The following MAML2 variants were observed in gnomAD, a reference collection of about 807,000 sequenced individuals.
MAML2 encodes the protein mastermind like transcriptional coactivator 2, also known as mastermind-like protein 2.
Under a neutral mutation model 96.1 loss-of-function variants are expected in MAML2, and 22 were observed. The observed-to-expected ratio is 0.23, with a 90% CI of 0.16 to 0.33. The LOEUF (loss-of-function observed/expected upper bound fraction) is 0.33. MAML2 is among the 10% of genes least tolerant of loss of function. The pLI is 1.00. For synonymous variants in MAML2, 561 were observed against 521.3 expected, an observed-to-expected ratio of 1.08 and a Z score of -1.04; for missense variants, 1,367 against 1,392.4, an observed-to-expected ratio of 0.98 and a Z score of 0.29.
At chr11:96,117,186 A>C (rs1860258556) in intron 1 of MAML2, among the ~76,000 whole-genome samples, 1 of 152,230 alleles carries the variant, frequency 6.6e-6, no homozygotes, top group African/African-American at 2.4e-5. Flanking sequence ...GAAGTCAATA[A>C]GGTACGGGCA....
At position 96,219,172 on chromosome 11, in the gene MAML2, T is replaced by C. The variant is rs895288635; in HGVS notation, c.513+122211A>G. On this transcript the variant is annotated intron_variant, in intron 1 of 4. Coordinates refer to ENST00000524717, the MANE Select transcript of MAML2 (RefSeq NM_032427.4). ...CTTTAAAACAACATAAATAAGGCCC[T>C]TCACATACTGGGCACTCAATGTATT... 3.3e-5 allele frequency among the ~76,000 whole-genome samples: 5 copies of C among 152,230 alleles called. No homozygotes were observed. In the South Asian group the frequency reaches 8.3e-4, roughly 25 times the overall value.
At chr11:96,139,678 C>A (rs562115581) in intron 1 of MAML2, among the ~76,000 whole-genome samples, 1 of 151,918 alleles carries the variant, frequency 6.6e-6, no homozygotes, top group African/African-American at 2.4e-5. Flanking sequence ...CTGGGGCTAC[C>A]TCTCCCCTTT....
intron 1 of MAML2, among the ~76,000 whole-genome samples, chr11:96,274,077 CTTTTTTTTTTTTT>C (rs992096555): frequency 1.1e-5 from 1 of 91,792 alleles, no homozygotes; most frequent in Non-Finnish European, 2.1e-5. Context: ...TTTCCTTTTC[CTTTTTTTTTTTTT>C]TTTTTTTTTT....
intron 1 of MAML2, among the ~76,000 whole-genome samples, chr11:96,145,806 G>T (rs913416727): frequency 6.6e-5 from 10 of 152,126 alleles, no homozygotes; most frequent in Non-Finnish European, 8.8e-5. Flanking sequence ...TCAGGAGTTC[G>T]AGACCAGCCT....
At chr11:96,264,025 A>G (rs1321654246) in intron 1 of MAML2, among the ~76,000 whole-genome samples, 1 of 152,244 alleles carries the variant, frequency 6.6e-6, no homozygotes, top group Non-Finnish European at 1.5e-5. Flanking sequence ...TTATAATTCA[A>G]AAAAGACCCA....
intron 1 of MAML2, among the ~76,000 whole-genome samples, chr11:96,243,728 A>G (rs1862471755): frequency 7.0e-6 from 1 of 142,842 alleles, no homozygotes. Flanking sequence ...ATGTTGTCTC[A>G]CTGCAAGCTC....
At chr11:96,104,332 C>T (rs4753719) in intron 1 of MAML2, among the ~76,000 whole-genome samples, 138,355 of 152,288 alleles carry the variant, frequency 0.91, 62,897 homozygotes, top group East Asian at 1. Flanking sequence ...GTCGAGATGC[C>T]GAAGTACTTT....
At chr11:96,167,850 G>T (rs973765594) in intron 1 of MAML2, among the ~76,000 whole-genome samples, 1 of 152,176 alleles carries the variant, frequency 6.6e-6, no homozygotes, top group Non-Finnish European at 1.5e-5. Flanking sequence ...AGCCTTTCTT[G>T]ACACCGTTGG....
chr11:96,177,878 G>T (rs1861411051), intron 1 of MAML2, among the ~76,000 whole-genome samples: 1 of 151,130 alleles, frequency 6.6e-6, no homozygotes, highest in Admixed American at 6.6e-5. Context: ...GGGAATTTTT[G>T]AGGGAAGTAG....
chr11:96,030,232 T>TA lies in MAML2; in HGVS notation c.2140-38510dup, dbSNP rs61022431. 6.5e-3 allele frequency among the ~76,000 whole-genome samples: 882 copies of TA among 135,992 alleles called. 2 individuals carry two copies. Among genetic ancestry groups the TA allele is most frequent in the Middle Eastern group, 7.3e-3 (2 of 274 alleles). The allele number at this position is 135,992 out of a possible 152,430, so 89.2% of individuals were successfully genotyped here. ...GCCTGGGCAACAGAGTGAGACTCCA[T>TA]AAAAAAAAAAAAATCATATGGAAAG... On this transcript the variant is annotated intron_variant, in intron 2 of 4. Transcript: ENST00000524717.
intron 2 of MAML2, among the ~76,000 whole-genome samples, chr11:96,059,142 T>G (rs1163389960): frequency 6.6e-6 from 1 of 152,140 alleles, no homozygotes. Context: ...GTTTAGGCAA[T>G]TTACCTAGGG....
intron 2 of MAML2, among the ~76,000 whole-genome samples, chr11:96,002,653 A>T (rs1276148179): frequency 3.0e-4 from 1 of 3,358 alleles, no homozygotes; most frequent in Non-Finnish European, 5.7e-4. Context: ...GATGAGGATG[A>T]TGATGGGGAT....
At chr11:96,187,181 C>CT (rs1565242086) in intron 1 of MAML2, among the ~76,000 whole-genome samples, 1 of 152,148 alleles carries the variant, frequency 6.6e-6, no homozygotes, top group African/African-American at 2.4e-5. Flanking sequence ...TTCTCCCCAT[C>CT]TTTTTTAGAA....
intron 1 of MAML2, among the ~76,000 whole-genome samples, chr11:96,124,096 CAAAAAAAAAAA>C (rs11464319): frequency 2.1e-5 from 2 of 96,382 alleles, no homozygotes; most frequent in Admixed American, 2.5e-4. Flanking sequence ...AACTCTGTCT[CAAAAAAAAAAA>C]AAAAAAAAAA....
intron 1 of MAML2, among the ~76,000 whole-genome samples, chr11:96,131,873 G>T (rs1213989452): frequency 6.6e-6 from 1 of 152,192 alleles, no homozygotes; most frequent in Non-Finnish European, 1.5e-5. Context: ...AGCCAGGCAT[G>T]GTGGCACACT....
intron 2 of MAML2, among the ~76,000 whole-genome samples, chr11:96,076,792 C>T (rs980188128): frequency 6.6e-6 from 1 of 152,168 alleles, no homozygotes; most frequent in Non-Finnish European, 1.5e-5. Flanking sequence ...TTCACCAGGC[C>T]ACAGCTCATA....
intron 1 of MAML2, among the ~76,000 whole-genome samples, chr11:96,160,877 G>A (rs1389740502): frequency 1.3e-5 from 2 of 152,312 alleles, no homozygotes; most frequent in African/African-American, 2.4e-5. Flanking sequence ...TTATAAGTGC[G>A]CACTTGGGTG....
At chr11:96,209,577 AAAACAAAC>A (rs561253242) in intron 1 of MAML2, among the ~76,000 whole-genome samples, 5 of 63,892 alleles carry the variant, frequency 7.8e-5, no homozygotes, top group African/African-American at 1.4e-4. Flanking sequence ...TTCCATCTCT[AAAACAAAC>A]AAACAAACAA....
In MAML2 at chr11:95,991,540, G is replaced by T; in HGVS notation, c.2323C>A (p.Gln775Lys). The change falls in exon 3 of 5, where the codon CAG becomes AAG. Residue 775 changes from glutamine (Q) to lysine (K), a missense_variant. Physicochemically the swap from Gln to Lys is moderately conservative, Grantham distance 53. Transcript: ENST00000524717. ...TTTACCGCGTCAGCCAGCATCTGCT[G>T]CTGGAGAAGAAGTTGCTGTTTCTGC... ...MEQKQQLLLQQQMLADAEKIA... is the reference protein window; with the variant it reads ...MEQKQQLLLQKQMLADAEKIA... The T allele has an allele frequency of 6.2e-7, 1 of 1,613,726 alleles. No individual in the cohort carries two copies. Among genetic ancestry groups the T allele is most frequent in the Non-Finnish European group, 8.5e-7 (1 of 1,179,688 alleles).
Sources: allele counts gnomAD v4.1 joint callset (sites outside exome capture counted in the v4.1 genomes callset), GRCh38; gene constraint gnomAD v4.1.1; transcripts MANE v1.5; gene names NCBI Gene and HGNC (gene_info 2026-07-23, HGNC 2026-07-21).